PSMF1: variants seen among roughly 807,000 people sequenced by gnomAD.
PSMF1 encodes the protein proteasome inhibitor PI31 subunit.
In PSMF1, 30 loss-of-function variants were observed where a neutral mutation model predicts 29.3. That is an observed-to-expected ratio of 1.02 (90% CI 0.77 to 1.39). The LOEUF (loss-of-function observed/expected upper bound fraction) is 1.39, where lower values mean the gene tolerates loss of function less well. Among genes scored for constraint, PSMF1 ranks in the 40% most tolerant of loss-of-function variants. The probability of loss-of-function intolerance (pLI) is 0.00; values close to 1 mark genes in which losing one functional copy is unlikely to be tolerated. For missense variants in PSMF1, 344 were observed against 357.5 expected (o/e 0.96, Z 0.31); for synonymous variants, 134 against 139.7 (o/e 0.96, Z 0.29).
intron 4 of PSMF1, among the ~76,000 whole-genome samples, chr20:1,142,461 C>T (rs1325817087): frequency 1.3e-5 from 2 of 151,922 alleles, no homozygotes; most frequent in Admixed American, 1.3e-4. Flanking sequence ...TGATGTTCCC[C>T]TTCCTGTGTC....
At chr20:1,161,395 A>G (rs2086665276) in intron 4 of PSMF1, 1 of 372,898 alleles carries the variant, frequency 2.7e-6, no homozygotes, top group Non-Finnish European at 5.0e-6. Context: ...TGCAGCATCC[A>G]TGAGACCACC....
chr20:1,115,987 T>C (rs4813028), upstream of PSMF1, among the ~76,000 whole-genome samples: 120,976 of 151,124 alleles, frequency 0.8, 49,517 homozygotes, highest in East Asian at 0.99. Context: ...TGCCTCAGCC[T>C]CCCAAAGTGC....
At chr20:1,127,027 C>G (rs2086165846) in intron 2 of PSMF1, among the ~76,000 whole-genome samples, 2 of 152,186 alleles carry the variant, frequency 1.3e-5, no homozygotes, top group Non-Finnish European at 2.9e-5. Flanking sequence ...TCTGTCTGCC[C>G]TGGTGCACCC....
intron 4 of PSMF1, chr20:1,160,852 TACA>T: frequency 2.2e-6 from 1 of 462,634 alleles, no homozygotes; most frequent in South Asian, 1.7e-5. Context: ...CACCACACCC[TACA>T]ACAAGCTGCA....
chr20:1,161,840 G>A (rs2300184), intron 4 of PSMF1: 9,329 of 330,348 alleles, frequency 0.028, 227 homozygotes, highest in African/African-American at 0.057. Context: ...TGAAGCTTGT[G>A]TCTGATATCA....
intron 4 of PSMF1, among the ~76,000 whole-genome samples, chr20:1,142,111 A>T (rs566108202): frequency 4.2e-4 from 64 of 152,194 alleles, no homozygotes; most frequent in Admixed American, 2.5e-3. Context: ...AATCCCAGCT[A>T]CTCGGGAGGC....
intron 4 of PSMF1, among the ~76,000 whole-genome samples, chr20:1,141,838 A>G (rs2122534590): frequency 6.6e-6 from 1 of 152,372 alleles, no homozygotes; most frequent in East Asian, 1.9e-4. Context: ...CCAGATTAAC[A>G]TACAAAAGTT....
chr20:1,145,365 C>T (rs1390594348), intron 4 of PSMF1, among the ~76,000 whole-genome samples: 1 of 152,092 alleles, frequency 6.6e-6, no homozygotes, highest in African/African-American at 2.4e-5. Flanking sequence ...CATACCTAGT[C>T]AGGGATGAGC....
chr20:1,120,532 C>A (rs2086074183), intron 1 of PSMF1, among the ~76,000 whole-genome samples: 1 of 152,190 alleles, frequency 6.6e-6, no homozygotes. Context: ...ATGCATAGTT[C>A]CCCTAACAGA....
rs2086041254 is a variant in PSMF1 at position 1,118,733 on chromosome 20, CG to C, written c.-40del. The C allele has an allele frequency of 1.9e-6, 3 of 1,597,642 alleles. No individual in the cohort carries two copies. Among genetic ancestry groups the C allele is most frequent in the Non-Finnish European group, 2.6e-6 (3 of 1,170,940 alleles). Reference sequence around the variant, plus strand: ...CGGAGCCGGCTCACTGCACTACCCCCGCCCCCTTCTTTCCTCCAGACGCCGA... The same window carrying C: ...CGGAGCCGGCTCACTGCACTACCCCCCCCCCTTCTTTCCTCCAGACGCCGA... On this transcript the variant is annotated 5_prime_UTR_variant, in exon 1 of 7. Transcript: ENST00000335877.
intron 4 of PSMF1, among the ~76,000 whole-genome samples, chr20:1,144,366 C>A (rs1008737137): frequency 2.0e-5 from 3 of 152,190 alleles, no homozygotes; most frequent in Non-Finnish European, 2.9e-5. Context: ...AATCATTTGG[C>A]AGTTTCTTAA....
chr20:1,152,408 G>C (rs1472960292), intron 4 of PSMF1, among the ~76,000 whole-genome samples: 1 of 152,184 alleles, frequency 6.6e-6, no homozygotes, highest in Non-Finnish European at 1.5e-5. Flanking sequence ...ATTGCTCCAA[G>C]AACAAAGAAA....
chr20:1,152,920 C>T lies in PSMF1; in HGVS notation c.552-10210C>T, dbSNP rs570138065. On this transcript the variant is annotated intron_variant, in intron 4 of 6. Transcript: ENST00000335877. Reference sequence around the variant, plus strand: ...ACATACTTTTATGCAACTTGGAGCACGTCTCTGAATGTTTCCTTAGAATAG... The same window carrying T: ...ACATACTTTTATGCAACTTGGAGCATGTCTCTGAATGTTTCCTTAGAATAG... Among the ~76,000 whole-genome samples, 28 of 152,284 alleles carry T rather than the reference C, an allele frequency of 1.8e-4. No homozygotes were observed. In the South Asian group the frequency reaches 1.9e-3, roughly 10 times the overall value.
chr20:1,135,777 A>G (rs896583683), intron 4 of PSMF1, among the ~76,000 whole-genome samples: 2 of 152,206 alleles, frequency 1.3e-5, no homozygotes, highest in African/African-American at 4.8e-5. Context: ...CAATCTCACT[A>G]TCAAGTTCAG....
At chr20:1,115,198 G>A (rs1045542205), upstream of PSMF1, among the ~76,000 whole-genome samples, 1 of 132,112 alleles carries the variant, frequency 7.6e-6, no homozygotes, top group African/African-American at 2.9e-5. Flanking sequence ...GTTGAACCAC[G>A]GGGTGGGGGT....
chr20:1,142,381 T>C (rs2086393677), intron 4 of PSMF1, among the ~76,000 whole-genome samples: 2 of 152,214 alleles, frequency 1.3e-5, no homozygotes, highest in African/African-American at 4.8e-5. Flanking sequence ...TAACTCATCA[T>C]TCAACATTAG....
chr20:1,125,645 G>C lies in PSMF1; in HGVS notation c.277G>C (p.Val93Leu). 1 of 1,610,240 alleles carries C rather than the reference G, an allele frequency of 6.2e-7. No homozygotes were observed. Among genetic ancestry groups the C allele is most frequent in the Non-Finnish European group, 8.5e-7 (1 of 1,178,382 alleles). ...CGTGGAGAGCAGCATGATCCTCAAT[G>C]TGCTGGTGAGTCTCTGGGACACGTG... ...ITVESSMILN[V>L]LEYGSQQVAD... The change falls in exon 2 of 7, where the codon GTG (valine) becomes CTG (leucine). Residue 93 changes from valine (V) to leucine (L), a missense_variant. Transcript: ENST00000335877.
chr20:1,120,034 T>A (rs1360129875), intron 1 of PSMF1, among the ~76,000 whole-genome samples: 1 of 152,162 alleles, frequency 6.6e-6, no homozygotes, highest in Non-Finnish European at 1.5e-5. Context: ...TCAAACTTGC[T>A]TTGTACATTC....
At chr20:1,147,057 G>A (rs1441773373) in intron 4 of PSMF1, among the ~76,000 whole-genome samples, 1 of 152,160 alleles carries the variant, frequency 6.6e-6, no homozygotes, top group African/African-American at 2.4e-5. Flanking sequence ...AGGATTAGGT[G>A]TGAGAGTGTC....
Sources: allele counts gnomAD v4.1 joint callset (sites outside exome capture counted in the v4.1 genomes callset), GRCh38; gene constraint gnomAD v4.1.1; transcripts MANE v1.5; gene names NCBI Gene and HGNC (gene_info 2026-07-23, HGNC 2026-07-21).